MAP2K5: variants seen among roughly 807,000 people sequenced by gnomAD.
MAP2K5 encodes the protein mitogen-activated protein kinase kinase 5, also known as dual specificity mitogen-activated protein kinase kinase 5.
MAP2K5 carries 49 observed loss-of-function variants against 83.1 expected under a neutral mutation model. The ratio of observed to expected loss-of-function variants is 0.59; its 90% CI spans 0.47 to 0.75. MAP2K5 has a LOEUF of 0.75. Ranked by LOEUF, MAP2K5 falls within the 30% of genes least tolerant of loss-of-function variation. MAP2K5 has a pLI of 0.00. For missense variants in MAP2K5, 457 were observed against 557.5 expected, an observed-to-expected ratio of 0.82 and a Z score of 1.82; for synonymous variants, 202 against 191.8, an observed-to-expected ratio of 1.05 and a Z score of -0.44.
chr15:67,788,876 G>A lies in MAP2K5; in HGVS notation c.1242+16124G>A, dbSNP rs570881226. Among the ~76,000 whole-genome samples, 765 of 151,924 alleles carry A rather than the reference G, an allele frequency of 5.0e-3. 4 individuals are homozygous for A. The highest frequency in any genetic ancestry group is 6.8e-3 in the Middle Eastern group (2 of 294). On this transcript the variant is annotated intron_variant, in intron 21 of 21. Coordinates refer to ENST00000178640, the MANE Select transcript of MAP2K5 (RefSeq NM_145160.3). The stretch of plus-strand genomic sequence containing the variant: ...AGTCCCAGCTTCTCAGGATGCTGAG[G>A]TGAGAGGATCACTTGAGCCCATGAG...
At chr15:67,772,308 A>G (rs2090156870) in intron 20 of MAP2K5, among the ~76,000 whole-genome samples, 1 of 152,188 alleles carries the variant, frequency 6.6e-6, no homozygotes, top group African/African-American at 2.4e-5. Flanking sequence ...GTCTTATCCC[A>G]ATTACCAAAA....
In MAP2K5 at chr15:67,758,380, G is replaced by A. The variant is rs567920776; in HGVS notation, c.1134+9779G>A. 6.6e-6 allele frequency among the ~76,000 whole-genome samples: 1 copy of A among 152,188 alleles called. No individual in the cohort carries two copies. Among genetic ancestry groups the A allele is most frequent in the South Asian group, 2.1e-4 (1 of 4,820 alleles). On this transcript the variant is annotated intron_variant, in intron 19 of 21. Coordinates refer to ENST00000178640, the MANE Select transcript of MAP2K5 (RefSeq NM_145160.3). The surrounding 1 kb of genome is among the most constrained non-coding windows in gnomAD (Gnocchi z 4.7). ...GGTACTCTCCTGAGATGGGGCACAC[G>A]GAAAGAGAGGCATTTTCAAGGGATG...
chr15:67,806,787 C>T lies in MAP2K5; in HGVS notation c.*37C>T. ...GGCACTGAAAGCCCAGGACCAGTAA[C>T]CAAGGAGAACAACCCACCCGTCGCC... On this transcript the variant is annotated 3_prime_UTR_variant, in exon 22 of 22. Transcript: ENST00000178640. 6.3e-7 allele frequency: 1 copy of T among 1,591,126 alleles called. No individual in the cohort carries two copies. Among genetic ancestry groups the T allele is most frequent in the Non-Finnish European group, 8.5e-7 (1 of 1,174,960 alleles).
intron 9 of MAP2K5, chr15:67,642,592 A>AC: frequency 2.6e-6 from 2 of 768,288 alleles, no homozygotes; most frequent in Non-Finnish European, 4.7e-6. Context: ...GAGGAAGCAC[A>AC]CCCCAAGTAC....
intron 19 of MAP2K5, among the ~76,000 whole-genome samples, chr15:67,766,122 G>A (rs777216191): frequency 3.3e-5 from 5 of 152,182 alleles, no homozygotes; most frequent in Non-Finnish European, 7.3e-5. Flanking sequence ...TCGATGACCA[G>A]AATTGCCTAC....
intron 8 of MAP2K5, among the ~76,000 whole-genome samples, chr15:67,620,480 A>G (rs532983808): frequency 6.6e-6 from 1 of 152,344 alleles, no homozygotes; most frequent in South Asian, 2.1e-4. Flanking sequence ...AAGGCAATAG[A>G]GTAGTTGATG....
rs939902992 is a variant in MAP2K5, at chr15:67,638,939, G to T, written c.586-7292G>T. On this transcript the variant is annotated intron_variant, in intron 9 of 21. Transcript: ENST00000178640. The surrounding 1 kb of genome is among the most constrained non-coding windows in gnomAD (Gnocchi z 4.5). Reference sequence around the variant, plus strand: ...GGGGTTGTCTTTTTCTTACAAATTTGTATAGACCCCTTCCTTATACCCCTT... The same window carrying T: ...GGGGTTGTCTTTTTCTTACAAATTTTTATAGACCCCTTCCTTATACCCCTT... Among the ~76,000 whole-genome samples the T allele has an allele frequency of 6.6e-6, 1 of 151,954 alleles. No individual in the cohort carries two copies. Among genetic ancestry groups the T allele is most frequent in the Admixed American group, 6.6e-5 (1 of 15,264 alleles).
Position 67,779,724 on chromosome 15 carries a change from T to C in MAP2K5, c.1242+6972T>C, listed in dbSNP as rs1200417775. Among the ~76,000 whole-genome samples, 1 of 152,212 alleles carries C rather than the reference T, an allele frequency of 6.6e-6. No homozygotes were observed. Among genetic ancestry groups the C allele is most frequent in the Non-Finnish European group, 1.5e-5 (1 of 68,032 alleles). ...TCTCTAATGCCTCTTTCGTGTTTTATTGGACTGTCATCTTCCTAGTATCTT... is the reference window on the plus strand; with the variant it reads ...TCTCTAATGCCTCTTTCGTGTTTTACTGGACTGTCATCTTCCTAGTATCTT... On this transcript the variant is annotated intron_variant, in intron 21 of 21. Transcript: ENST00000178640. This position sits in a 1 kb window ranked among gnomAD's most constrained non-coding sequence, Gnocchi z 4.6.
At chr15:67,729,746 AG>A (rs2089180475) in intron 17 of MAP2K5, among the ~76,000 whole-genome samples, 2 of 152,214 alleles carry the variant, frequency 1.3e-5, no homozygotes, top group South Asian at 4.1e-4. Context: ...CCTGGGCAAC[AG>A]AGCAAGATTC....
At chr15:67,704,106 A>C (rs1423872798) in intron 16 of MAP2K5, among the ~76,000 whole-genome samples, 1 of 152,234 alleles carries the variant, frequency 6.6e-6, no homozygotes, top group Non-Finnish European at 1.5e-5. Context: ...TTTTAATAAA[A>C]TGATGATTGA....
intron 21 of MAP2K5, among the ~76,000 whole-genome samples, chr15:67,773,323 A>G (rs2090176970): frequency 6.6e-6 from 1 of 152,176 alleles, no homozygotes; most frequent in Non-Finnish European, 1.5e-5. Flanking sequence ...GCTCCCTAAC[A>G]ATTCCCAAAT....
In MAP2K5 at chr15:67,638,441, A is replaced by C. The variant is rs1354632854; in HGVS notation, c.585+7514A>C. Among the ~76,000 whole-genome samples, 2 of 152,204 alleles carry C rather than the reference A, an allele frequency of 1.3e-5. No homozygotes were observed. The highest frequency in any genetic ancestry group is 2.9e-5 in the Non-Finnish European group (2 of 68,042). On this transcript the variant is annotated intron_variant, in intron 9 of 21. Transcript: ENST00000178640. The surrounding 1 kb of genome is among the most constrained non-coding windows in gnomAD (Gnocchi z 4.5). Reference sequence around the variant, plus strand: ...GACTGCATAGTATTCCATGGTGTGTATGTACCACATTTTCTTTATCCAGTC... The same window carrying C: ...GACTGCATAGTATTCCATGGTGTGTCTGTACCACATTTTCTTTATCCAGTC...
At chr15:67,792,190 A>G (rs985550713) in intron 21 of MAP2K5, among the ~76,000 whole-genome samples, 1 of 152,214 alleles carries the variant, frequency 6.6e-6, no homozygotes, top group Non-Finnish European at 1.5e-5. Flanking sequence ...GGAAAGAAAA[A>G]AACTAGGACG....
At chr15:67,796,147 A>G (rs776777407) in intron 21 of MAP2K5, among the ~76,000 whole-genome samples, 3 of 152,212 alleles carry the variant, frequency 2.0e-5, no homozygotes, top group Non-Finnish European at 2.9e-5. Flanking sequence ...TTAATTGATT[A>G]ATCATTTATA....
At position 67,636,417 on chromosome 15, in the gene MAP2K5, A is replaced by G. The variant is rs2086605311; in HGVS notation, c.585+5490A>G. Among the ~76,000 whole-genome samples the G allele has an allele frequency of 6.6e-6, 1 of 152,130 alleles. No homozygotes were observed. The highest frequency in any genetic ancestry group is 1.5e-5 in the Non-Finnish European group (1 of 68,028). On this transcript the variant is annotated intron_variant, in intron 9 of 21. Coordinates refer to ENST00000178640, the MANE Select transcript of MAP2K5 (RefSeq NM_145160.3). The surrounding 1 kb of genome is among the most constrained non-coding windows in gnomAD (Gnocchi z 4.7). ...AATAAGACTCCGTCTCAAAAAAAAAAAAAAAGTATGAAATATAGTTATAAT... is the reference window on the plus strand; with the variant it reads ...AATAAGACTCCGTCTCAAAAAAAAAGAAAAAGTATGAAATATAGTTATAAT...
Position 67,769,566 on chromosome 15 carries a change from T to A in MAP2K5, c.1135-36T>A. ...AATATAAAGAAAGAGAAGGAACTGT[T>A]GTGACTTTTGGTGACATGTTTTTCC... is the stretch of plus-strand genomic sequence containing the variant. On this transcript the variant is annotated intron_variant, in intron 19 of 21. Transcript: ENST00000178640. The surrounding 1 kb of genome is among the most constrained non-coding windows in gnomAD (Gnocchi z 5.2). 6.2e-7 allele frequency: 1 copy of A among 1,601,956 alleles called. No individual in the cohort carries two copies. The highest frequency in any genetic ancestry group is 8.6e-7 in the Non-Finnish European group (1 of 1,169,200).
In MAP2K5 at chr15:67,782,817, G is replaced by T. The variant is rs1044325241; in HGVS notation, c.1242+10065G>T. On this transcript the variant is annotated intron_variant, in intron 21 of 21. Transcript: ENST00000178640. This position sits in a 1 kb window ranked among gnomAD's most constrained non-coding sequence, Gnocchi z 4.9. ...GGCCTGTGGCACCAGCTCTGGACTG[G>T]AAAGTCCCTTCTCCAAAACAAGCTT... 1.4e-4 allele frequency among the ~76,000 whole-genome samples: 21 copies of T among 152,212 alleles called. No homozygotes were observed. Among genetic ancestry groups the T allele is most frequent in the African/African-American group, 4.6e-4 (19 of 41,464 alleles).
In MAP2K5 at chr15:67,806,879, C is replaced by A. The variant is rs934490161; in HGVS notation, c.*129C>A. 1.3e-6 allele frequency: 2 copies of A among 1,594,708 alleles called. No individual in the cohort carries two copies. The highest frequency in any genetic ancestry group is 1.7e-4 in the Middle Eastern group (1 of 6,048). On this transcript the variant is annotated 3_prime_UTR_variant, in exon 22 of 22. Transcript: ENST00000178640. ...CCTGGCTTCCCTGCCCTCGCCTTCACCTCTGTCAGCAGGTGGCCTTGCCTG... is the reference window on the plus strand; with the variant it reads ...CCTGGCTTCCCTGCCCTCGCCTTCAACTCTGTCAGCAGGTGGCCTTGCCTG...
Position 67,702,070 on chromosome 15 carries a change from A to G in MAP2K5, c.973-1267A>G, listed in dbSNP as rs967328424. On this transcript the variant is annotated intron_variant, in intron 15 of 21. Coordinates refer to ENST00000178640, the MANE Select transcript of MAP2K5 (RefSeq NM_145160.3). The surrounding 1 kb of genome is among the most constrained non-coding windows in gnomAD (Gnocchi z 4.6). Reference sequence around the variant, plus strand: ...AAAATCATTATGAAGTAGAAGACCCAAAGTACCTAGCCCAGTGTCTGACAC... The same window carrying G: ...AAAATCATTATGAAGTAGAAGACCCGAAGTACCTAGCCCAGTGTCTGACAC... 6.6e-6 allele frequency among the ~76,000 whole-genome samples: 1 copy of G among 152,252 alleles called. No individual in the cohort carries two copies. Among genetic ancestry groups the G allele is most frequent in the Non-Finnish European group, 1.5e-5 (1 of 68,048 alleles).
Sources: allele counts gnomAD v4.1 joint callset (sites outside exome capture counted in the v4.1 genomes callset), GRCh38; gene constraint gnomAD v4.1.1; non-coding constraint Gnocchi (gnomAD v3.1); transcripts MANE v1.5; gene names NCBI Gene and HGNC (gene_info 2026-07-23, HGNC 2026-07-21).